The following ANK2 variants were observed in gnomAD, a reference collection of about 807,000 sequenced individuals.
ANK2 encodes the protein ankyrin-2.
Under a neutral mutation model 360.5 loss-of-function variants are expected in ANK2, and 83 were observed. The observed-to-expected ratio is 0.23, with a 90% CI of 0.19 to 0.28. ANK2 has a LOEUF of 0.28. Among genes scored for constraint, ANK2 ranks in the 10% least tolerant of loss-of-function variants. The probability of loss-of-function intolerance (pLI) is 1.00; values close to 1 mark genes in which losing one functional copy is unlikely to be tolerated. For synonymous variants in ANK2, 1,740 were observed against 1,759.5 expected (o/e 0.99, Z 0.28); for missense variants, 4,201 against 4,795.7 (o/e 0.88, Z 3.66).
chr4:112,723,925 T>C, the ANK2 span, among the ~76,000 whole-genome samples: 8 of 152,214 alleles, frequency 5.3e-5, no homozygotes, highest in Non-Finnish European at 1.0e-4. Flanking sequence ...CATTTTAAAA[T>C]ATCAGTAAAG....
At chr4:113,335,084 C>A (rs886481163) in intron 29 of ANK2, among the ~76,000 whole-genome samples, 14 of 152,056 alleles carry the variant, frequency 9.2e-5, no homozygotes, top group African/African-American at 3.4e-4. Context: ...TCTTAAAATT[C>A]AGTGATCTAT....
At chr4:113,127,508 T>C (rs2095736144) in intron 1 of ANK2, among the ~76,000 whole-genome samples, 1 of 151,946 alleles carries the variant, frequency 6.6e-6, no homozygotes, top group Non-Finnish European at 1.5e-5. Context: ...ATTTACAGGG[T>C]ACATGAGATG....
At chr4:113,198,041 T>A (rs2098775556) in intron 3 of ANK2, among the ~76,000 whole-genome samples, 1 of 152,166 alleles carries the variant, frequency 6.6e-6, no homozygotes, top group Non-Finnish European at 1.5e-5. Context: ...CTGACTGGTA[T>A]GAGATGGTGT....
At chr4:112,831,795 C>T (rs1560705531) in intron 1 of ANK2, among the ~76,000 whole-genome samples, 1 of 152,262 alleles carries the variant, frequency 6.6e-6, no homozygotes, top group East Asian at 1.9e-4. Context: ...CAGCTTCACT[C>T]CTGAAGCCAG....
chr4:113,192,495 C>A (rs577647449), intron 2 of ANK2, among the ~76,000 whole-genome samples: 1 of 152,206 alleles, frequency 6.6e-6, no homozygotes, highest in Admixed American at 6.5e-5. Flanking sequence ...GAATTTATGA[C>A]CCGTTTATGC....
chr4:113,342,872 TAGAC>T, intron 33 of ANK2, 141 bp from the exon 34 acceptor site: 1 of 997,058 alleles, frequency 1.0e-6, no homozygotes, highest in Admixed American at 1.9e-5. Context: ...GTGTCACAGA[TAGAC>T]AGAATGTCAG....
chr4:113,221,479 G>T (rs912558782), intron 4 of ANK2, among the ~76,000 whole-genome samples: 11 of 152,048 alleles, frequency 7.2e-5, no homozygotes, highest in Admixed American at 2.6e-4. Context: ...GGCCAACATG[G>T]TGAAACCCTG....
At chr4:112,958,545 T>C (rs1000151532) in intron 2 of ANK2, among the ~76,000 whole-genome samples, 8 of 151,678 alleles carry the variant, frequency 5.3e-5, no homozygotes, top group South Asian at 2.1e-4. Context: ...ATGGCAGCAG[T>C]ACAGTCCAGC....
At chr4:112,802,144 C>T in the ANK2 span, among the ~76,000 whole-genome samples, 2 of 151,962 alleles carry the variant, frequency 1.3e-5, no homozygotes, top group African/African-American at 4.8e-5. Context: ...AGGAAGATGA[C>T]AAGTTCAATT....
At chr4:113,035,609 T>C (rs2154307806) in intron 2 of ANK2, among the ~76,000 whole-genome samples, 1 of 151,402 alleles carries the variant, frequency 6.6e-6, no homozygotes, top group East Asian at 2.0e-4. Context: ...TAGGCAATAG[T>C]TGGAGATGTT....
intron 24 of ANK2, among the ~76,000 whole-genome samples, chr4:113,312,055 A>C (rs2080260260): frequency 6.6e-6 from 1 of 152,154 alleles, no homozygotes; most frequent in Admixed American, 6.5e-5. Flanking sequence ...TACAACTGGC[A>C]CTTGTTATTT....
rs1162401327 is a variant in ANK2 at position 113,355,370 on chromosome 4, C to G, written c.6752C>G (p.Pro2251Arg). The part of the protein sequence containing the change: ...ETSPESLSFS[P>R]KKSEEQTGET... The stretch of plus-strand genomic sequence containing the variant: ...AGCCCAGAAAGCCTTTCTTTCTCAC[C>G]AAAGAAAAGTGAGGAGCAAACTGGG... The change falls in exon 38 of 46, where the codon CCA becomes CGA. Residue 2251 changes from proline to arginine, a missense_variant. Coordinates refer to ENST00000357077, the MANE Select transcript of ANK2 (RefSeq NM_001148.6). The G allele has an allele frequency of 6.8e-6, 11 of 1,613,962 alleles. No homozygotes were observed. In the Middle Eastern group the frequency reaches 6.6e-4, roughly 97 times the overall value.
intron 43 of ANK2, 127 bp from the exon 44 acceptor site, chr4:113,372,963 G>A: frequency 1.1e-6 from 1 of 891,204 alleles, no homozygotes; most frequent in Non-Finnish European, 1.9e-6. Context: ...ACAGGATTTT[G>A]TATCTCAGCA....
At chr4:113,305,281 A>C (rs2076737767) in intron 23 of ANK2, among the ~76,000 whole-genome samples, 1 of 138,940 alleles carries the variant, frequency 7.2e-6, no homozygotes, top group Admixed American at 7.8e-5. Flanking sequence ...CGGAGCTTGC[A>C]GTGAGCCGAG....
At chr4:112,755,821 G>C in the ANK2 span, 1 of 157,726 alleles carries the variant, frequency 6.3e-6, no homozygotes, top group Non-Finnish European at 1.4e-5. Context: ...TTTTCCTTAA[G>C]CAAGTCAAGT....
chr4:112,875,234 G>T (rs962735903), intron 1 of ANK2, among the ~76,000 whole-genome samples: 1 of 152,084 alleles, frequency 6.6e-6, no homozygotes, highest in African/African-American at 2.4e-5. Context: ...GGCCAGGATG[G>T]TCTCAAACTC....
At chr4:113,314,983 TCA>T (rs778918020) in intron 24 of ANK2, among the ~76,000 whole-genome samples, 2 of 152,138 alleles carry the variant, frequency 1.3e-5, no homozygotes, top group Non-Finnish European at 2.9e-5. Flanking sequence ...CCAACTTTTC[TCA>T]CTCTCTGTGT....
intron 2 of ANK2, among the ~76,000 whole-genome samples, chr4:112,999,716 T>A (rs1448287191): frequency 1.3e-5 from 2 of 151,854 alleles, no homozygotes; most frequent in East Asian, 3.9e-4. Context: ...ATTTTCAGAA[T>A]TCCAATCATA....
rs1170374358 is a variant in ANK2, at chr4:112,827,494, C to T, written c.-40+9230C>T. On this transcript the variant is annotated intron_variant, in intron 1 of 30. Coordinates refer to the ANK2 transcript ENST00000503271. The stretch of plus-strand genomic sequence containing the variant: ...GACATCCAGCCTGACAGTCACCAAA[C>T]AGTTGCTTCATCTAAGAATCACAAG... 12 of 1,313,178 alleles carry T rather than the reference C, an allele frequency of 9.1e-6. No homozygotes were observed. The East Asian group carries it at 2.5e-4, about 28-fold the overall frequency. The allele number at this position is 1,313,178 out of a possible 1,614,324, so 81.3% of individuals were successfully genotyped here.
Sources: allele counts gnomAD v4.1 joint callset (sites outside exome capture counted in the v4.1 genomes callset), GRCh38; gene constraint gnomAD v4.1.1; transcripts MANE v1.5; gene names NCBI Gene and HGNC (gene_info 2026-07-23, HGNC 2026-07-21).